PRDM16: variants seen among roughly 807,000 people sequenced by gnomAD.
PRDM16 encodes the protein PR/SET domain 16.
Under a neutral mutation model 110.6 loss-of-function variants are expected in PRDM16, and 23 were observed. The ratio of observed to expected loss-of-function variants is 0.21; its 90% confidence interval spans 0.15 to 0.29. The LOEUF is 0.29. PRDM16 is among the 10% of genes least tolerant of loss of function. PRDM16 has a pLI of 1.00. For synonymous variants in PRDM16, 799 were observed against 781.8 expected (o/e 1.02, Z -0.37); for missense variants, 1,615 against 1,794.3 (o/e 0.90, Z 1.81).
At chr1:3,362,391 C>T (rs369490811) in intron 3 of PRDM16, among the ~76,000 whole-genome samples, 9 of 152,264 alleles carry the variant, frequency 5.9e-5, no homozygotes, top group South Asian at 2.1e-4. Context: ...GGGCTCACAA[C>T]GGGCGGTCAT....
chr1:3,146,617 GT>G lies in PRDM16; in HGVS notation c.38-39507del, dbSNP rs200582224. 2.9e-3 allele frequency among the ~76,000 whole-genome samples: 435 copies of G among 147,590 alleles called. 7 individuals carry two copies. The highest frequency in any genetic ancestry group is 0.01 in the African/African-American group (408 of 39,490). ...TGCACGTGTGTGCTCAGTGTGGGGGGTGTGTGTGCATGTGCTTGGTATGGGG... is the reference window on the plus strand; with the variant it reads ...TGCACGTGTGTGCTCAGTGTGGGGGGGTGTGTGCATGTGCTTGGTATGGGG... On this transcript the variant is annotated intron_variant, in intron 1 of 16. Transcript: ENST00000270722.
intron 1 of PRDM16, among the ~76,000 whole-genome samples, chr1:3,145,092 C>A (rs573196218): frequency 1.6e-4 from 25 of 152,176 alleles, no homozygotes; most frequent in Non-Finnish European, 3.2e-4. Context: ...CCCAAGTAGG[C>A]CCCACGCAGG....
At chr1:3,355,480 C>T (rs1320943192) in intron 3 of PRDM16, among the ~76,000 whole-genome samples, 1 of 152,190 alleles carries the variant, frequency 6.6e-6, no homozygotes, top group Non-Finnish European at 1.5e-5. Context: ...TGGTGCCACC[C>T]TGGGGAGCTA....
At chr1:3,169,448 G>A (rs1643999608) in intron 1 of PRDM16, among the ~76,000 whole-genome samples, 1 of 152,024 alleles carries the variant, frequency 6.6e-6, no homozygotes, top group South Asian at 2.1e-4. Context: ...TGCAGGCCGA[G>A]GGGCTTGTTG....
Position 3,377,079 on chromosome 1 carries a change from C to T in PRDM16, c.439-8073C>T, listed in dbSNP as rs143075428. Reference sequence around the variant, plus strand: ...CAATTGTGACCATTGTGTGTGCGCACGTGTGCGCATGTGCCTATGACAGCC... The same window carrying T: ...CAATTGTGACCATTGTGTGTGCGCATGTGTGCGCATGTGCCTATGACAGCC... On this transcript the variant is annotated intron_variant, in intron 3 of 16. Coordinates refer to ENST00000270722, the MANE Select transcript of PRDM16 (RefSeq NM_022114.4). Among the ~76,000 whole-genome samples the T allele has an allele frequency of 6.3e-4, 96 of 152,364 alleles. 1 individual carries two copies. The highest frequency in any genetic ancestry group is 1.9e-3 in the Admixed American group (29 of 15,308).
At chr1:3,184,455 G>C (rs1180463548) in intron 1 of PRDM16, among the ~76,000 whole-genome samples, 2 of 152,166 alleles carry the variant, frequency 1.3e-5, no homozygotes, top group South Asian at 2.1e-4. Flanking sequence ...ACGGGTCCTC[G>C]AGGCAGCCAC....
At chr1:3,116,316 C>T (rs965839268) in intron 1 of PRDM16, among the ~76,000 whole-genome samples, 2 of 152,158 alleles carry the variant, frequency 1.3e-5, no homozygotes, top group African/African-American at 2.4e-5. Context: ...GCTCACTCCG[C>T]GGTGCGTGCT....
rs762730403 is a variant in PRDM16, at chr1:3,358,440, G to T, written c.439-26712G>T. Among the ~76,000 whole-genome samples, 15 of 152,302 alleles carry T rather than the reference G, an allele frequency of 9.8e-5. 2 individuals are homozygous for T. The Middle Eastern group carries it at 0.024, about 242-fold the overall frequency. The stretch of plus-strand genomic sequence containing the variant: ...CGGGTACAGAAAATCTCCCACAGTG[G>T]AGGAGGTGTTGTCTCCAGAGGCAGC... On this transcript the variant is annotated intron_variant, in intron 3 of 16. Coordinates refer to ENST00000270722, the MANE Select transcript of PRDM16 (RefSeq NM_022114.4). The surrounding 1 kb of genome is among the most constrained non-coding windows in gnomAD (Gnocchi z 4.0).
At chr1:3,313,909 G>T (rs994224832) in intron 3 of PRDM16, among the ~76,000 whole-genome samples, 10 of 152,264 alleles carry the variant, frequency 6.6e-5, no homozygotes, top group Non-Finnish European at 1.3e-4. Context: ...CACTGTTCGC[G>T]CCCTGGCTGC....
chr1:3,216,325 C>T (rs974313171), intron 2 of PRDM16, among the ~76,000 whole-genome samples: 2 of 152,156 alleles, frequency 1.3e-5, no homozygotes, highest in Admixed American at 1.3e-4. Flanking sequence ...AGTGCTGTCA[C>T]TCCAGTGACA....
chr1:3,410,663 C>G (rs144060189), intron 8 of PRDM16, among the ~76,000 whole-genome samples: 12 of 152,248 alleles, frequency 7.9e-5, no homozygotes, highest in African/African-American at 2.6e-4. Context: ...TGGGAGGACA[C>G]TAGGAACACT....
At chr1:3,174,825 G>A (rs942920036) in intron 1 of PRDM16, among the ~76,000 whole-genome samples, 4 of 152,184 alleles carry the variant, frequency 2.6e-5, no homozygotes, top group Non-Finnish European at 4.4e-5. Flanking sequence ...GGGGTTCAAC[G>A]TTCCCCAGTC....
At chr1:3,301,350 GAA>G (rs774850084) in intron 3 of PRDM16, among the ~76,000 whole-genome samples, 22,278 of 117,624 alleles carry the variant, frequency 0.19, 2,156 homozygotes, top group East Asian at 0.37. Context: ...AAAAAAAAAA[GAA>G]AAAAAAAAAG....
At chr1:3,181,956 ACACATGCCTTACACATGCAGT>A (rs1557510910) in intron 1 of PRDM16, among the ~76,000 whole-genome samples, 1 of 152,086 alleles carries the variant, frequency 6.6e-6, no homozygotes, top group Non-Finnish European at 1.5e-5. Context: ...ACACAGTCTT[ACACATGCCTTACACATGCAGT>A]CACATGCTTA....
intron 3 of PRDM16, among the ~76,000 whole-genome samples, chr1:3,284,569 A>C (rs6690217): frequency 0.81 from 123,435 of 152,176 alleles, 50,343 homozygotes; most frequent in East Asian, 0.99. Context: ...GCCAGCAGCC[A>C]GAGTTCAGCC....
chr1:3,337,928 A>G (rs1642194773), intron 3 of PRDM16, among the ~76,000 whole-genome samples: 1 of 152,198 alleles, frequency 6.6e-6, no homozygotes, highest in South Asian at 2.1e-4. Flanking sequence ...AGATATGCAC[A>G]CAGACACATG....
chr1:3,296,289 A>G (rs1023166162), intron 3 of PRDM16, among the ~76,000 whole-genome samples: 7 of 152,190 alleles, frequency 4.6e-5, no homozygotes, highest in African/African-American at 1.7e-4. Flanking sequence ...CCAGAGTCAC[A>G]TTCGCCTCCT....
chr1:3,414,688 C>A (rs372682300), intron 10 of PRDM16, 41 bp downstream of exon 10: 3 of 1,490,450 alleles, frequency 2.0e-6, no homozygotes, highest in Non-Finnish European at 2.8e-6. Context: ...GTAACCCACA[C>A]GCCAGTGGCC....
At chr1:3,232,173 C>A (rs545715657) in intron 2 of PRDM16, among the ~76,000 whole-genome samples, 3 of 152,324 alleles carry the variant, frequency 2.0e-5, no homozygotes, top group Admixed American at 1.3e-4. Flanking sequence ...AGCTCTTCAT[C>A]TCCCTCTCCC....
Sources: gnomAD v4.1 joint callset for allele counts (sites outside exome capture counted in the v4.1 genomes callset) on GRCh38, gnomAD v4.1.1 for gene constraint, Gnocchi (gnomAD v3.1) non-coding constraint, MANE v1.5 for transcripts, NCBI Gene and HGNC (gene_info 2026-07-23, HGNC 2026-07-21) for gene names.